The following E2F5 variants were observed in gnomAD, a reference collection of about 807,000 sequenced individuals.
The protein encoded by E2F5 is E2F transcription factor 5.
A neutral mutation model predicts 39.1 loss-of-function variants in E2F5; 23 were observed. The observed-to-expected ratio is 0.59, with a 90% CI of 0.42 to 0.83. The LOEUF (loss-of-function observed/expected upper bound fraction) is 0.83, where lower values mean the gene tolerates loss of function less well. Among genes scored for constraint, E2F5 ranks in the 40% least tolerant of loss-of-function variants. The pLI is 0.00. For missense variants in E2F5, 365 were observed against 406.7 expected (o/e 0.90, Z 0.88); for synonymous variants, 145 against 157.8 (o/e 0.92, Z 0.61).
chr8:85,192,269 A>C (rs1316216438), intron 1 of E2F5, among the ~76,000 whole-genome samples: 1 of 152,196 alleles, frequency 6.6e-6, no homozygotes, highest in Non-Finnish European at 1.5e-5. Flanking sequence ...GGAATGGTAA[A>C]TTCAGTTCTG....
chr8:85,205,305 G>A (rs1812778935), intron 3 of E2F5, among the ~76,000 whole-genome samples: 3 of 150,840 alleles, frequency 2.0e-5, no homozygotes, highest in Non-Finnish European at 4.4e-5. Flanking sequence ...ATGCGATCTT[G>A]GCTCACTGCA....
chr8:85,187,030 TTTG>T (rs1226022918), intron 1 of E2F5, among the ~76,000 whole-genome samples: 2 of 151,922 alleles, frequency 1.3e-5, no homozygotes, highest in Admixed American at 6.6e-5. Context: ...TCCATTTTCA[TTTG>T]TTAAGATATT....
intron 1 of E2F5, among the ~76,000 whole-genome samples, chr8:85,181,443 G>C (rs1167355858): frequency 6.0e-5 from 9 of 150,546 alleles, no homozygotes; most frequent in African/African-American, 2.2e-4. Context: ...CCATTCTCCT[G>C]CCTCAGGCTC....
At position 85,177,468 on chromosome 8, in the gene E2F5, G is replaced by C. The variant is rs1462158051; in HGVS notation, c.48G>C (p.Gly16=). The change falls in exon 1 of 8, where the codon GGG becomes GGC. Residue 16 remains glycine (G), a synonymous_variant. Transcript: ENST00000416274. ...PASSGQQAPA[G]QGQGQRPPPQ... is the part of the protein sequence containing the mutation. The stretch of plus-strand genomic sequence containing the variant: ...GCTCGGGCCAGCAGGCGCCGGCAGG[G>C]CAGGGGCAGGGCCAGCGGCCGCCGC... 1 of 1,007,704 alleles carries C rather than the reference G, an allele frequency of 9.9e-7. No homozygotes were observed. 62.4% of individuals were successfully genotyped at this position (1,007,704 alleles called of 1,614,324 possible). A position where few individuals can be genotyped will look rare whatever the true frequency, so the allele number is the denominator to read the frequency against.
At chr8:85,186,678 G>A (rs1406939361) in intron 1 of E2F5, among the ~76,000 whole-genome samples, 1 of 145,830 alleles carries the variant, frequency 6.9e-6, no homozygotes, top group African/African-American at 2.5e-5. Context: ...TATATGTAAG[G>A]TATATATGGT....
Position 85,177,246 on chromosome 8 carries a change from C to T in E2F5, c.-175C>T, listed in dbSNP as rs985163456. The T allele has an allele frequency of 1.2e-5, 5 of 415,180 alleles. No individual in the cohort carries two copies. The highest frequency in any genetic ancestry group is 6.5e-5 in the African/African-American group (3 of 46,434). The allele number at this position is 415,180 out of a possible 1,614,324, so 25.7% of individuals were successfully genotyped here. On this transcript the variant is annotated 5_prime_UTR_variant, in exon 1 of 8. Transcript: ENST00000416274. Reference sequence around the variant, plus strand: ...GGGGGCGGAGGCCCGGCGTGACAAGCGGCCCAGACTCCCGTGGGCGCCGCA... The same window carrying T: ...GGGGGCGGAGGCCCGGCGTGACAAGTGGCCCAGACTCCCGTGGGCGCCGCA...
chr8:85,180,511 C>CATATATATATATATAT (rs58188216), intron 1 of E2F5, among the ~76,000 whole-genome samples: 42 of 80,824 alleles, frequency 5.2e-4, no homozygotes, highest in Non-Finnish European at 5.3e-4. Context: ...AGAAACTATA[C>CATATATATATATATAT]ATATATATAT....
chr8:85,207,595 G>A, intron 5 of E2F5, 106 bp downstream of exon 5: 2 of 842,506 alleles, frequency 2.4e-6, no homozygotes, highest in South Asian at 4.0e-5. Flanking sequence ...AACACTGTGA[G>A]TTAGTCAAGT....
intron 3 of E2F5, among the ~76,000 whole-genome samples, chr8:85,205,322 A>AT (rs1812779183): frequency 6.7e-6 from 1 of 149,660 alleles, no homozygotes; most frequent in Non-Finnish European, 1.5e-5. Flanking sequence ...TGCAACCTCC[A>AT]CCCCCCGGGT....
At chr8:85,202,281 T>G in intron 2 of E2F5, 25 bp downstream of exon 2, 1 of 1,467,704 alleles carries the variant, frequency 6.8e-7, no homozygotes. Flanking sequence ...AGCACCCTCT[T>G]CTGAAACCTT....
At position 85,214,381 on chromosome 8, in the gene E2F5, T is replaced by C; in HGVS notation, c.*519T>C. 1 of 615,122 alleles carries C rather than the reference T, an allele frequency of 1.6e-6. No individual in the cohort carries two copies. The highest frequency in any genetic ancestry group is 1.9e-5 in the African/African-American group (1 of 53,796). The allele number at this position is 615,122 out of a possible 1,614,324, so 38.1% of individuals were successfully genotyped here. ...TGCCTTCTGTTTTAGCACTTTAAGT[T>C]TATCACATTTTGTTGACTTCTGACA... On this transcript the variant is annotated 3_prime_UTR_variant, in exon 8 of 8. Transcript: ENST00000416274.
chr8:85,198,829 G>A (rs1295266429), intron 1 of E2F5, among the ~76,000 whole-genome samples: 2 of 152,068 alleles, frequency 1.3e-5, no homozygotes, highest in African/African-American at 4.8e-5. Flanking sequence ...CTCTAGCTTG[G>A]ATCTCTCCCC....
chr8:85,198,784 A>T (rs1355502084), intron 1 of E2F5, among the ~76,000 whole-genome samples: 1 of 152,128 alleles, frequency 6.6e-6, no homozygotes, highest in African/African-American at 2.4e-5. Context: ...TTGTGGTATA[A>T]ACTGTCTATT....
chr8:85,186,575 G>A (rs1812339467), intron 1 of E2F5, among the ~76,000 whole-genome samples: 1 of 148,022 alleles, frequency 6.8e-6, no homozygotes, highest in Non-Finnish European at 1.5e-5. Flanking sequence ...TATATGGTGT[G>A]TGTGTATATA....
At chr8:85,183,370 T>C (rs187168237) in intron 1 of E2F5, among the ~76,000 whole-genome samples, 49 of 152,194 alleles carry the variant, frequency 3.2e-4, no homozygotes, top group Non-Finnish European at 6.0e-4. Flanking sequence ...TAGTGCATGC[T>C]TACAAATTCT....
chr8:85,211,219 C>CT (rs1812912501), intron 6 of E2F5, among the ~76,000 whole-genome samples: 1 of 84,028 alleles, frequency 1.2e-5, no homozygotes. Flanking sequence ...GACCCTATCT[C>CT]TAAAAAAAAA....
chr8:85,185,142 A>G (rs1346297157), intron 1 of E2F5, among the ~76,000 whole-genome samples: 2 of 152,192 alleles, frequency 1.3e-5, no homozygotes, highest in African/African-American at 4.8e-5. Flanking sequence ...CCAAAACAGC[A>G]TGGTATTGGT....
At chr8:85,180,252 C>T (rs897408440) in intron 1 of E2F5, among the ~76,000 whole-genome samples, 6 of 149,408 alleles carry the variant, frequency 4.0e-5, no homozygotes, top group Non-Finnish European at 8.9e-5. Context: ...AACTCCCAAC[C>T]TCAAATGATC....
At chr8:85,189,461 C>A (rs1273985465) in intron 1 of E2F5, among the ~76,000 whole-genome samples, 1 of 152,092 alleles carries the variant, frequency 6.6e-6, no homozygotes, top group Non-Finnish European at 1.5e-5. Context: ...CCTCTACCAC[C>A]CAGGCTCAAG....
Sources: allele counts gnomAD v4.1 joint callset (sites outside exome capture counted in the v4.1 genomes callset), GRCh38; gene constraint gnomAD v4.1.1; transcripts MANE v1.5; gene names NCBI Gene and HGNC (gene_info 2026-07-23, HGNC 2026-07-21).